The following MUC5AC variants were observed in gnomAD, a reference collection of about 807,000 sequenced individuals.
The protein encoded by MUC5AC is mucin 5AC, oligomeric mucus/gel-forming.
A neutral mutation model predicts 169.7 loss-of-function variants in MUC5AC; 158 were observed. That is an observed-to-expected ratio of 0.93 (90% CI 0.82 to 1.06). The LOEUF (loss-of-function observed/expected upper bound fraction) is 1.06, where lower values mean the gene tolerates loss of function less well. MUC5AC is among the 50% of genes least tolerant of loss of function. The pLI, the probability that MUC5AC is intolerant of heterozygous loss-of-function variation, is 0.00. For synonymous variants in MUC5AC, 1,975 were observed against 1,237.0 expected, an observed-to-expected ratio of 1.60 and a Z score of -12.52; for missense variants, 4,359 against 3,089.9, an observed-to-expected ratio of 1.41 and a Z score of -9.74.
intron 32 of MUC5AC, among the ~76,000 whole-genome samples, chr11:1,193,243 G>A (rs1460463211): frequency 6.6e-6 from 1 of 152,250 alleles, no homozygotes; most frequent in Non-Finnish European, 1.5e-5. Flanking sequence ...AGAGCAGGTG[G>A]ATGAGGCTGC....
At chr11:1,169,652 T>TCACTCACC (rs1325763399) in intron 15 of MUC5AC, among the ~76,000 whole-genome samples, 2 of 95,294 alleles carry the variant, frequency 2.1e-5, no homozygotes, top group East Asian at 3.9e-4. Context: ...ACCCATTCAC[T>TCACTCACC]CACTCACCCA....
At position 1,184,987 on chromosome 11, in the gene MUC5AC, C is replaced by A. The variant is rs1264263667; in HGVS notation, c.6842C>A (p.Thr2281Lys). The A allele has an allele frequency of 3.0e-6, 2 of 673,886 alleles. No homozygotes were observed. Among genetic ancestry groups the A allele is most frequent in the Non-Finnish European group, 5.4e-6 (2 of 369,998 alleles). 41.7% of individuals were successfully genotyped at this position (673,886 alleles called of 1,614,324 possible). The change falls in exon 31 of 49, where the codon ACA (threonine) becomes AAA (lysine). Residue 2281 changes from threonine to lysine, a missense_variant. Physicochemically the swap from Thr to Lys is moderately conservative, Grantham distance 78. Transcript: ENST00000621226. ...ACAACCAGCACAACCTCTGCTCCTA[C>A]AGCCAGAACAACCTCTGCTCCTACA... ...AHTTSTTSAPTARTTSAPTTR... is the reference protein window; with the variant it reads ...AHTTSTTSAPKARTTSAPTTR...
intron 24 of MUC5AC, 78 bp downstream of exon 24, chr11:1,177,711 C>A (rs1038313350): frequency 5.0e-6 from 2 of 397,554 alleles, no homozygotes; most frequent in African/African-American, 2.1e-5. Flanking sequence ...TGGGCAGAGA[C>A]GAGAGGCACA....
At position 1,180,033 on chromosome 11, in the gene MUC5AC, G is replaced by C. The variant is rs1363726813; in HGVS notation, c.3496G>C (p.Asp1166His). The C allele has an allele frequency of 5.0e-6, 2 of 398,860 alleles. No individual in the cohort carries two copies. Among genetic ancestry groups the C allele is most frequent in the African/African-American group, 4.1e-5 (2 of 48,608 alleles). 24.7% of individuals were successfully genotyped at this position (398,860 alleles called of 1,614,324 possible). ...RTPSICPLFC[D>H]YYNPEGQCEW... Reference sequence around the variant, plus strand: ...CTTCCTCCCTGCAGCTCTGTTCTGCGACTACTACAACCCCGAAGGCCAGTG... The same window carrying C: ...CTTCCTCCCTGCAGCTCTGTTCTGCCACTACTACAACCCCGAAGGCCAGTG... Residue 1166 changes from aspartate to histidine, a missense_variant, in exon 27 of 49, where the codon GAC becomes CAC. Asp to His is a moderately conservative substitution (Grantham distance 81, BLOSUM62 -1). Coordinates refer to ENST00000621226, the MANE Select transcript of MUC5AC (RefSeq NM_001304359.2).
Position 1,190,003 on chromosome 11 carries a change from G to C in MUC5AC, c.11858G>C (p.Cys3953Ser). The change falls in exon 31 of 49, where the codon TGT becomes TCT. Residue 3953 changes from cysteine (C) to serine (S), a missense_variant. Coordinates refer to ENST00000621226, the MANE Select transcript of MUC5AC (RefSeq NM_001304359.2). ...TTHSQPVTRD[C>S]HPRCTWTKWF... Reference sequence around the variant, plus strand: ...CACTCCCAACCAGTCACCAGAGACTGTCATCCCCGGTGCACCTGGACCAAG... The same window carrying C: ...CACTCCCAACCAGTCACCAGAGACTCTCATCCCCGGTGCACCTGGACCAAG... 1.3e-6 allele frequency: 1 copy of C among 765,138 alleles called. No individual in the cohort carries two copies. Among genetic ancestry groups the C allele is most frequent in the Non-Finnish European group, 2.4e-6 (1 of 417,888 alleles). 47.4% of individuals were successfully genotyped at this position (765,138 alleles called of 1,614,324 possible).
rs1045856051 is a variant in MUC5AC at position 1,192,379 on chromosome 11, A to G, written c.14234A>G (p.Asn4745Ser). The G allele has an allele frequency of 1.3e-6, 1 of 764,966 alleles. No individual in the cohort carries two copies. 47.4% of individuals were successfully genotyped at this position (764,966 alleles called of 1,614,324 possible). A position where few individuals can be genotyped will look rare whatever the true frequency, so the allele number is the denominator to read the frequency against. ...ACCCCATATGGGACTTCTCCTACCA[A>G]TGCTCTGTATCCTTCCCTGTCTACT... is the stretch of plus-strand genomic sequence containing the variant. ...SVTPYGTSPT[N>S]ALYPSLSTSM... Residue 4745 changes from asparagine to serine, a missense_variant, in exon 31 of 49, where the codon AAT becomes AGT. Transcript: ENST00000621226.
chr11:1,162,082 G>T lies in MUC5AC; in HGVS notation c.387G>T (p.Ala129=). ...AGCTACGCCGCAGCCAGGAGTCAGC[G>T]GCCCCCACGCTGAGCAGGGTCCTCA... ...NIQLRRSQES[A]APTLSRVLMK... is the part of the protein sequence containing the mutation. The change falls in exon 4 of 49, where the codon GCG becomes GCT. Residue 129 remains alanine, a synonymous_variant. Transcript: ENST00000621226. 6.2e-7 allele frequency: 1 copy of T among 1,612,588 alleles called. No individual in the cohort carries two copies. The highest frequency in any genetic ancestry group is 2.2e-5 in the East Asian group (1 of 44,864).
chr11:1,193,429 G>A (rs1861174861), intron 32 of MUC5AC, 56 bp from the exon 33 acceptor site: 7 of 673,882 alleles, frequency 1.0e-5, no homozygotes, highest in South Asian at 9.3e-5. Context: ...CGAGAACCAA[G>A]GGGTGCCCCG....
Position 1,172,481 on chromosome 11 carries a change from C to T in MUC5AC, c.1923C>T (p.Phe641=), listed in dbSNP as rs1002806108. The T allele has an allele frequency of 2.5e-3, 1,013 of 398,708 alleles. 2 individuals are homozygous for T. Among genetic ancestry groups the T allele is most frequent in the Non-Finnish European group, 3.3e-3 (750 of 226,098 alleles). The allele number at this position is 398,708 out of a possible 1,614,324, so 24.7% of individuals were successfully genotyped here. Reference sequence around the variant, plus strand: ...AGCTGACCGATGCCGACGGCCCCTTCGGCCGGTGCCATGCTGCCGTGAAGC... The same window carrying T: ...AGCTGACCGATGCCGACGGCCCCTTTGGCCGGTGCCATGCTGCCGTGAAGC... ...CSQLTDADGP[F]GRCHAAVKPG... The change falls in exon 16 of 49, where the codon TTC becomes TTT. Residue 641 remains phenylalanine (F), a synonymous_variant. Transcript: ENST00000621226.
chr11:1,161,193 G>C (rs1015233467), intron 2 of MUC5AC, among the ~76,000 whole-genome samples: 1 of 152,222 alleles, frequency 6.6e-6, no homozygotes, highest in African/African-American at 2.4e-5. Flanking sequence ...GGGCCAGACA[G>C]GCCTAATCTC....
At chr11:1,193,994 C>T in intron 33 of MUC5AC, 116 bp from the exon 34 acceptor site, 1 of 676,160 alleles carries the variant, frequency 1.5e-6, no homozygotes, top group Non-Finnish European at 2.7e-6. Context: ...TCTTGTGCGC[C>T]CTGTGAGATG....
At chr11:1,171,737 CCATT>C (rs1376204984) in intron 15 of MUC5AC, among the ~76,000 whole-genome samples, 1 of 136,644 alleles carries the variant, frequency 7.3e-6, no homozygotes, top group Non-Finnish European at 1.6e-5. Flanking sequence ...ACTAACTCAC[CCATT>C]CACCCACTCA....
rs1278550395 is a variant in MUC5AC at position 1,187,908 on chromosome 11, A to T, written c.9763A>T (p.Ser3255Cys). Residue 3255 changes from serine (S) to cysteine (C), a missense_variant, in exon 31 of 49, where the codon AGT (serine) becomes TGT (cysteine). By Grantham distance (112) the Ser-to-Cys change is moderately radical. Coordinates refer to ENST00000621226, the MANE Select transcript of MUC5AC (RefSeq NM_001304359.2). ...GGAAACCTACAACAACATCATCAGGAGTGGGGAAAAAATCTGCCGCCGACC... is the reference window on the plus strand; with the variant it reads ...GGAAACCTACAACAACATCATCAGGTGTGGGGAAAAAATCTGCCGCCGACC... ...DKETYNNIIR[S>C]GEKICRRPEE... 4.0e-6 allele frequency: 3 copies of T among 758,280 alleles called. No individual in the cohort carries two copies. The African/African-American group carries it at 5.1e-5, about 13-fold the overall frequency. The allele number at this position is 758,280 out of a possible 1,614,324, so 47.0% of individuals were successfully genotyped here.
At chr11:1,198,404 C>T (rs537386860) in intron 43 of MUC5AC, 99 bp downstream of exon 43, 78 of 692,010 alleles carry the variant, frequency 1.1e-4, no homozygotes, top group East Asian at 1.1e-3. Flanking sequence ...CAACTCCGGC[C>T]GAGGCCAGGG....
chr11:1,167,757 TG>T, intron 11 of MUC5AC, 119 bp from the exon 12 acceptor site: 1 of 813,448 alleles, frequency 1.2e-6, no homozygotes, highest in Non-Finnish European at 2.0e-6. Flanking sequence ...TCTCGGGGAC[TG>T]GGATGGTGGA....
intron 19 of MUC5AC, among the ~76,000 whole-genome samples, chr11:1,175,589 A>G (rs1860653628): frequency 1.4e-5 from 2 of 142,282 alleles, no homozygotes; most frequent in African/African-American, 5.3e-5. Flanking sequence ...ACACCCACTC[A>G]TGCACACGCA....
At chr11:1,161,769 G>T in intron 3 of MUC5AC, 138 bp from the exon 4 acceptor site, 1 of 1,363,690 alleles carries the variant, frequency 7.3e-7, no homozygotes, top group Non-Finnish European at 9.8e-7. Context: ...ATGCAGGAAG[G>T]ACCCCTGGGT....
Position 1,185,319 on chromosome 11 carries a change from C to A in MUC5AC, c.7174C>A (p.Pro2392Thr), listed in dbSNP as rs1207891898. The A allele has an allele frequency of 1.2e-5, 8 of 678,286 alleles. No homozygotes were observed. In the East Asian group the frequency reaches 1.7e-4, roughly 14 times the overall value. The allele number at this position is 678,286 out of a possible 1,614,324, so 42.0% of individuals were successfully genotyped here. A position where few individuals can be genotyped will look rare whatever the true frequency, so the allele number is the denominator to read the frequency against. The change falls in exon 31 of 49, where the codon CCT becomes ACT. Residue 2392 changes from proline to threonine, a missense_variant. Pro to Thr is a conservative substitution (Grantham distance 38). Coordinates refer to ENST00000621226, the MANE Select transcript of MUC5AC (RefSeq NM_001304359.2). ...SATTTSRISG[P>T]ETTPSPVPTT... The stretch of plus-strand genomic sequence containing the variant: ...CACTACCACCAGCAGAATCTCTGGT[C>A]CTGAAACTACTCCCAGCCCTGTTCC...
chr11:1,161,427 A>T, intron 2 of MUC5AC, 100 bp from the exon 3 acceptor site: 1 of 963,966 alleles, frequency 1.0e-6, no homozygotes, highest in Non-Finnish European at 1.4e-6. Context: ...CTTCGGAGCC[A>T]GGAGCTGGGA....
Sources: allele counts gnomAD v4.1 joint callset (sites outside exome capture counted in the v4.1 genomes callset), GRCh38; gene constraint gnomAD v4.1.1; transcripts MANE v1.5; gene names NCBI Gene and HGNC (gene_info 2026-07-23, HGNC 2026-07-21).